Variants in DZANK1 observed in about 807,000 individuals in gnomAD.
DZANK1 encodes double zinc ribbon and ankyrin repeat-containing protein 1.
A neutral mutation model predicts 94.5 loss-of-function variants in DZANK1; 91 were observed. That is an observed-to-expected ratio of 0.96 (90% CI 0.81 to 1.15). DZANK1 has a LOEUF of 1.15. Ranked by LOEUF, DZANK1 falls within the 50% of genes most tolerant of loss-of-function variation. The probability of loss-of-function intolerance (pLI) is 0.00; values close to 1 mark genes in which losing one functional copy is unlikely to be tolerated. For missense variants in DZANK1, 903 were observed against 916.4 expected, an observed-to-expected ratio of 0.99 and a Z score of 0.19; for synonymous variants, 312 against 325.3, an observed-to-expected ratio of 0.96 and a Z score of 0.44.
intron 10 of DZANK1, 93 bp downstream of exon 10, chr20:18,426,974 C>G (rs1441214207): frequency 8.7e-6 from 8 of 914,682 alleles, no homozygotes; most frequent in Non-Finnish European, 1.2e-5. Flanking sequence ...TGGTCTCTCT[C>G]CCCAACCCCC....
intron 3 of DZANK1, among the ~76,000 whole-genome samples, chr20:18,459,304 G>A (rs2059394530): frequency 1.3e-5 from 2 of 152,136 alleles, no homozygotes. Flanking sequence ...TAAAGGGGTT[G>A]TTTTGTTTCA....
intron 8 of DZANK1, among the ~76,000 whole-genome samples, chr20:18,436,687 C>T (rs1297511213): frequency 6.6e-6 from 1 of 152,150 alleles, no homozygotes. Flanking sequence ...ATATTTCCCA[C>T]ACTGGAGGAA....
At chr20:18,419,856 T>C (rs2057688864) in intron 10 of DZANK1, among the ~76,000 whole-genome samples, 1 of 131,368 alleles carries the variant, frequency 7.6e-6, no homozygotes, top group African/African-American at 2.9e-5. Flanking sequence ...GTAAAGAACA[T>C]CAGAAATAGT....
At position 18,441,311 on chromosome 20, in the gene DZANK1, CA is replaced by C. The variant is rs2058707923; in HGVS notation, c.747+2035del. The stretch of plus-strand genomic sequence containing the variant: ...CTCGGCACTGTTCCCAAGCAAAGGA[CA>C]AGACCAAACCACTTCCAAAATCCCA... On this transcript the variant is annotated intron_variant, in intron 8 of 20. Transcript: ENST00000262547. This position sits in a 1 kb window ranked among gnomAD's most constrained non-coding sequence, Gnocchi z 4.1. Among the ~76,000 whole-genome samples the C allele has an allele frequency of 6.6e-6, 1 of 152,158 alleles. No individual in the cohort carries two copies. Among genetic ancestry groups the C allele is most frequent in the Non-Finnish European group, 1.5e-5 (1 of 68,028 alleles).
intron 12 of DZANK1, among the ~76,000 whole-genome samples, chr20:18,413,719 G>T (rs1303679408): frequency 3.3e-5 from 5 of 152,068 alleles, no homozygotes; most frequent in African/African-American, 4.8e-5. Context: ...GGCAGAGGTT[G>T]CAGTGAGCCA....
intron 14 of DZANK1, chr20:18,398,270 G>T: frequency 2.2e-6 from 1 of 464,052 alleles, no homozygotes; most frequent in Non-Finnish European, 3.9e-6. Context: ...TTTCCAATGT[G>T]ACATCTGAGC....
intron 13 of DZANK1, among the ~76,000 whole-genome samples, chr20:18,408,827 A>G (rs1479028485): frequency 6.6e-6 from 1 of 152,230 alleles, no homozygotes; most frequent in Non-Finnish European, 1.5e-5. Flanking sequence ...CGAAGGTCCA[A>G]AATTCATGGG....
At chr20:18,417,034 C>CAA (rs55889297) in intron 10 of DZANK1, among the ~76,000 whole-genome samples, 88,269 of 139,578 alleles carry the variant, frequency 0.63, 27,995 homozygotes, top group South Asian at 0.73. Flanking sequence ...CAAAAAAAAA[C>CAA]AAAAAAAAAA....
Position 18,415,417 on chromosome 20 carries a change from C to T in DZANK1, c.987G>A (p.Pro329=), listed in dbSNP as rs201531994. The change falls in exon 11 of 21, where the codon CCG becomes CCA. Residue 329 remains proline, a synonymous_variant. Coordinates refer to ENST00000262547, the Ensembl canonical transcript of DZANK1. Reference sequence around the variant, plus strand: ...AAATGGTCCCCCCTTTCTGAGTGGGCGGAGGAGGGGCTTTATCCCCACTGC... The same window carrying T: ...AAATGGTCCCCCCTTTCTGAGTGGGTGGAGGAGGGGCTTTATCCCCACTGC... 1.6e-4 allele frequency: 256 copies of T among 1,584,206 alleles called. No individual in the cohort carries two copies. The Middle Eastern group carries it at 2.7e-3, about 17-fold the overall frequency.
exon 21 of DZANK1, chr20:18,384,184 C>G: frequency 2.7e-6 from 1 of 365,928 alleles, no homozygotes; most frequent in South Asian, 5.8e-5. Flanking sequence ...CTCAGCCTCT[C>G]GAGTAACTGG....
In DZANK1 at chr20:18,465,143, G is replaced by A. The variant is rs946413619; in HGVS notation, c.109+107C>T. ...AGAAGTTTTACAAATTTCCCAAAAA[G>A]CTGAGCAAAGAGTGAGAAAGCAGGC... On this transcript the variant is annotated intron_variant, in intron 2 of 20. Transcript: ENST00000262547. The A allele has an allele frequency of 4.2e-6, 3 of 719,376 alleles. No individual in the cohort carries two copies. In the African/African-American group the frequency reaches 5.5e-5, roughly 13 times the overall value. The allele number at this position is 719,376 out of a possible 1,614,324, so 44.6% of individuals were successfully genotyped here. A position where few individuals can be genotyped will look rare whatever the true frequency, so the allele number is the denominator to read the frequency against.
At position 18,462,954 on chromosome 20, in the gene DZANK1, AAAAAAG is replaced by A. The variant is rs1189370904; in HGVS notation, c.109+2290_109+2295del. Among the ~76,000 whole-genome samples the A allele has an allele frequency of 2.2e-3, 338 of 151,740 alleles. 4 individuals carry two copies. The highest frequency in any genetic ancestry group is 0.019 in the Admixed American group (286 of 15,172). The stretch of plus-strand genomic sequence containing the variant: ...CTCGGTCTTAAAAAAAAAAAAAAAA[AAAAAAG>A]AAAGAAATAAGAGTTGAAATACCAT... On this transcript the variant is annotated intron_variant, in intron 2 of 20. Transcript: ENST00000262547.
intron 13 of DZANK1, among the ~76,000 whole-genome samples, chr20:18,404,896 A>G (rs551613803): frequency 2.6e-5 from 4 of 151,964 alleles, no homozygotes; most frequent in South Asian, 4.2e-4. Flanking sequence ...TGGGTGACAG[A>G]GCAAGACCTT....
At chr20:18,438,276 A>G (rs7345463) in intron 8 of DZANK1, among the ~76,000 whole-genome samples, 9 of 151,582 alleles carry the variant, frequency 5.9e-5, no homozygotes, top group Non-Finnish European at 1.0e-4. Context: ...CGAGGGAAAA[A>G]GTAACAAAAA....
chr20:18,423,516 A>T (rs1050535992), intron 10 of DZANK1, among the ~76,000 whole-genome samples: 3 of 152,224 alleles, frequency 2.0e-5, no homozygotes, highest in Non-Finnish European at 4.4e-5. Context: ...CGCAACAATG[A>T]CAGAACACAC....
At chr20:18,450,708 T>G (rs1198222847) in intron 6 of DZANK1, among the ~76,000 whole-genome samples, 1 of 152,208 alleles carries the variant, frequency 6.6e-6, no homozygotes, top group East Asian at 1.9e-4. Context: ...CATGCAATCA[T>G]GGGCACACAA....
At chr20:18,465,347 A>C in exon 2 of DZANK1, 1 of 1,594,462 alleles carries the variant, frequency 6.3e-7, no homozygotes, top group Non-Finnish European at 8.6e-7. Flanking sequence ...CACACACTGA[A>C]CCAGCAGTCA....
chr20:18,384,869 TCAGTGCCCCGGAAGCCATGGTGGGA>T, intron 20 of DZANK1, 122 bp downstream of exon 20: 10 of 776,890 alleles, frequency 1.3e-5, no homozygotes, highest in Non-Finnish European at 2.1e-5. Context: ...TGAAAAGCCC[TCAGTGCCCCGGAAGCCATGGTGGGA>T]TGGTGGTCCC....
At chr20:18,466,066 G>C (rs927580363) in intron 1 of DZANK1, among the ~76,000 whole-genome samples, 1 of 152,188 alleles carries the variant, frequency 6.6e-6, no homozygotes, top group African/African-American at 2.4e-5. Flanking sequence ...GGTCTTTTTG[G>C]AGGTGAGGGT....
Sources: gnomAD v4.1 joint callset for allele counts (sites outside exome capture counted in the v4.1 genomes callset) on GRCh38, gnomAD v4.1.1 for gene constraint, Gnocchi (gnomAD v3.1) non-coding constraint, MANE v1.5 for transcripts, NCBI Gene and HGNC (gene_info 2026-07-23, HGNC 2026-07-21) for gene names.